Variants in EPHB1 observed in about 807,000 individuals in gnomAD.
EPHB1 encodes ephrin type-B receptor 1.
EPHB1 carries 30 observed loss-of-function variants against 94.4 expected under a neutral mutation model. That is an observed-to-expected ratio of 0.32 (90% CI 0.24 to 0.43). The LOEUF is 0.43. Among genes scored for constraint, EPHB1 ranks in the 20% least tolerant of loss-of-function variants. EPHB1 has a pLI of 1.00. For missense variants in EPHB1, 1,055 were observed against 1,308.3 expected, an observed-to-expected ratio of 0.81 and a Z score of 2.99; for synonymous variants, 522 against 489.1, an observed-to-expected ratio of 1.07 and a Z score of -0.89.
At chr3:135,168,693 T>C (rs2107700654) in intron 9 of EPHB1, among the ~76,000 whole-genome samples, 1 of 152,224 alleles carries the variant, frequency 6.6e-6, no homozygotes, top group South Asian at 2.1e-4. Flanking sequence ...GATCCTGACA[T>C]TGCCTCCCTG....
rs931402443 is a variant in EPHB1, at chr3:135,198,553, T to G, written c.2131-2921T>G. 2.0e-5 allele frequency among the ~76,000 whole-genome samples: 3 copies of G among 152,026 alleles called. 1 individual carries two copies. The highest frequency in any genetic ancestry group is 7.2e-5 in the African/African-American group (3 of 41,390). ...CCTGCTGAGCTCAGCATGTGCTGAG[T>G]AGTGGGCTCCCCAAGGACAATGATC... On this transcript the variant is annotated intron_variant, in intron 11 of 15. Transcript: ENST00000398015.
At chr3:135,223,402 T>A (rs1162808311) in intron 12 of EPHB1, among the ~76,000 whole-genome samples, 1 of 152,220 alleles carries the variant, frequency 6.6e-6, no homozygotes, top group Non-Finnish European at 1.5e-5. Flanking sequence ...AAACAAGTTT[T>A]GCCAACATGA....
chr3:135,105,243 A>C (rs147550910), intron 3 of EPHB1, among the ~76,000 whole-genome samples: 256 of 152,336 alleles, frequency 1.7e-3, no homozygotes, highest in African/African-American at 6.1e-3. Context: ...TATTAGATTT[A>C]TATGACTTCA....
At chr3:135,186,330 A>T (rs1333149033) in intron 10 of EPHB1, among the ~76,000 whole-genome samples, 1 of 152,162 alleles carries the variant, frequency 6.6e-6, no homozygotes, top group African/African-American at 2.4e-5. Context: ...GATGGTTGTG[A>T]TCAACTAATA....
intron 3 of EPHB1, among the ~76,000 whole-genome samples, chr3:135,045,047 A>G (rs1456800815): frequency 2.0e-5 from 3 of 152,206 alleles, no homozygotes; most frequent in African/African-American, 7.2e-5. Context: ...AAATGTGCCC[A>G]CAGACCCCTG....
intron 4 of EPHB1, among the ~76,000 whole-genome samples, chr3:135,115,669 G>A (rs988530453): frequency 2.0e-5 from 3 of 152,148 alleles, no homozygotes; most frequent in Non-Finnish European, 4.4e-5. Context: ...AGGTAAACCA[G>A]GGTTGACTCT....
At chr3:134,868,521 G>A (rs960099281) in intron 1 of EPHB1, among the ~76,000 whole-genome samples, 5 of 152,316 alleles carry the variant, frequency 3.3e-5, no homozygotes, top group Admixed American at 2.0e-4. Context: ...CTTATGCCAG[G>A]GGAGGGGGTG....
At chr3:134,922,945 A>G (rs1469806895) in intron 1 of EPHB1, among the ~76,000 whole-genome samples, 6 of 152,312 alleles carry the variant, frequency 3.9e-5, no homozygotes, top group East Asian at 3.9e-4. Context: ...CCTGGCGGAG[A>G]CATTTTAATA....
chr3:135,152,300 T>G (rs895149998), intron 5 of EPHB1, among the ~76,000 whole-genome samples: 2 of 152,196 alleles, frequency 1.3e-5, no homozygotes, highest in African/African-American at 4.8e-5. Context: ...AACTTTCAAA[T>G]AAAGATCGGA....
chr3:135,080,900 G>A (rs1938141384), intron 3 of EPHB1, among the ~76,000 whole-genome samples: 1 of 152,158 alleles, frequency 6.6e-6, no homozygotes, highest in Non-Finnish European at 1.5e-5. Flanking sequence ...TTATTATTGT[G>A]CACTGCTATT....
intron 4 of EPHB1, among the ~76,000 whole-genome samples, chr3:135,127,961 G>C (rs1576410711): frequency 1.3e-5 from 2 of 152,218 alleles, no homozygotes; most frequent in Middle Eastern, 6.8e-3. Context: ...GAAAATCACA[G>C]CTCAACACTT....
intron 6 of EPHB1, among the ~76,000 whole-genome samples, chr3:135,160,852 A>G (rs965184315): frequency 3.3e-5 from 5 of 152,200 alleles, no homozygotes; most frequent in Non-Finnish European, 7.3e-5. Flanking sequence ...GAGGGAGTAG[A>G]GGAGCCCTGG....
At chr3:134,991,307 T>C (rs1934788923) in intron 3 of EPHB1, among the ~76,000 whole-genome samples, 1 of 152,192 alleles carries the variant, frequency 6.6e-6, no homozygotes, top group Non-Finnish European at 1.5e-5. Flanking sequence ...GGCTGGAAAG[T>C]ACAGATGCAT....
At chr3:134,943,111 G>A (rs772795777) in intron 2 of EPHB1, among the ~76,000 whole-genome samples, 13 of 152,208 alleles carry the variant, frequency 8.5e-5, no homozygotes, top group Non-Finnish European at 1.3e-4. Flanking sequence ...TCCACCACCT[G>A]ACTTTGGGCC....
chr3:134,951,625 A>C lies in EPHB1; in HGVS notation c.378A>C (p.Ser126=). The part of the protein sequence containing the change: ...ETDSVIATKK[S]AFWSEAPYLK... ...ACTCTGTCATTGCCACCAAGAAGTC[A>C]GCCTTCTGGTCTGAGGCCCCCTACC... Residue 126 remains serine, a synonymous_variant, in exon 3 of 16, where the codon TCA becomes TCC. Transcript: ENST00000398015. The surrounding 1 kb of genome is among the most constrained non-coding windows in gnomAD (Gnocchi z 4.5). 1 of 1,614,138 alleles carries C rather than the reference A, an allele frequency of 6.2e-7. No individual in the cohort carries two copies. Among genetic ancestry groups the C allele is most frequent in the Middle Eastern group, 1.6e-4 (1 of 6,062 alleles).
intron 3 of EPHB1, among the ~76,000 whole-genome samples, chr3:135,085,779 A>C (rs1053271234): frequency 6.6e-6 from 1 of 152,126 alleles, no homozygotes; most frequent in Non-Finnish European, 1.5e-5. Flanking sequence ...CCATCTCAGC[A>C]TATTATTAAC....
At chr3:135,116,441 C>T (rs1939714995) in intron 4 of EPHB1, among the ~76,000 whole-genome samples, 1 of 152,090 alleles carries the variant, frequency 6.6e-6, no homozygotes, top group South Asian at 2.1e-4. Context: ...TTTGTCTTCC[C>T]TCTTCCATCC....
chr3:135,258,145 A>G (rs1666439921), intron 15 of EPHB1, among the ~76,000 whole-genome samples: 1 of 152,146 alleles, frequency 6.6e-6, no homozygotes, highest in Admixed American at 6.5e-5. Flanking sequence ...CCTCAGATGG[A>G]AATGCAGAAA....
chr3:134,924,297 A>G (rs1222621151), intron 1 of EPHB1, among the ~76,000 whole-genome samples: 1 of 152,248 alleles, frequency 6.6e-6, no homozygotes, highest in Admixed American at 6.5e-5. Context: ...TGTTATGAAA[A>G]TGAAAACATA....
Sources: gnomAD v4.1 joint callset for allele counts (sites outside exome capture counted in the v4.1 genomes callset) on GRCh38, gnomAD v4.1.1 for gene constraint, Gnocchi (gnomAD v3.1) non-coding constraint, MANE v1.5 for transcripts, NCBI Gene and HGNC (gene_info 2026-07-23, HGNC 2026-07-21) for gene names.